The following CSMD3 variants were observed in gnomAD, a reference collection of about 807,000 sequenced individuals.
The protein encoded by CSMD3 is CUB and Sushi multiple domains 3, also known as CUB and sushi domain-containing protein 3.
A neutral mutation model predicts 435.2 loss-of-function variants in CSMD3; 177 were observed. That is an observed-to-expected ratio of 0.41 (90% CI 0.36 to 0.46). CSMD3 has a LOEUF of 0.46. Among genes scored for constraint, CSMD3 ranks in the 20% least tolerant of loss-of-function variants. CSMD3 has a pLI of 0.34. For synonymous variants in CSMD3, 1,656 were observed against 1,520.5 expected, an observed-to-expected ratio of 1.09 and a Z score of -2.07; for missense variants, 4,265 against 4,504.6, an observed-to-expected ratio of 0.95 and a Z score of 1.52.
chr8:113,271,788 T>C (rs1422271923), intron 3 of CSMD3, among the ~76,000 whole-genome samples: 1 of 152,100 alleles, frequency 6.6e-6, no homozygotes, highest in Non-Finnish European at 1.5e-5. Flanking sequence ...TAGATCCACC[T>C]ATAACTTGTA....
intron 1 of CSMD3, among the ~76,000 whole-genome samples, chr8:113,383,115 CAG>C (rs2094424200): frequency 6.6e-6 from 1 of 152,010 alleles, no homozygotes. Flanking sequence ...ATGGACACTG[CAG>C]AGAGGGAATA....
Position 112,390,670 on chromosome 8 carries a change from G to C in CSMD3, c.5928C>G (p.Gly1976=), listed in dbSNP as rs138314995. The C allele has an allele frequency of 3.7e-6, 6 of 1,612,786 alleles. No individual in the cohort carries two copies. The highest frequency in any genetic ancestry group is 5.1e-6 in the Non-Finnish European group (6 of 1,178,814). The stretch of plus-strand genomic sequence containing the variant: ...AAAACTTAAATATTCTTACTTGAAT[G>C]CCAGCTCCCTCTGGCACTGTGATCT... ...VWKITVPEGA[G]IQVQVVSFAT... is the part of the protein sequence containing the mutation. Residue 1976 remains glycine (G), a synonymous_variant, in exon 36 of 71, where the codon GGC becomes GGG. Coordinates refer to ENST00000297405, the MANE Select transcript of CSMD3 (RefSeq NM_198123.2).
chr8:113,097,833 T>C (rs1224314890), intron 5 of CSMD3, among the ~76,000 whole-genome samples: 3 of 152,048 alleles, frequency 2.0e-5, no homozygotes, highest in Admixed American at 1.3e-4. Flanking sequence ...AACTAGGTTT[T>C]ATTTCAATAC....
intron 53 of CSMD3, among the ~76,000 whole-genome samples, chr8:112,299,103 G>A (rs1048868500): frequency 2.0e-5 from 3 of 152,084 alleles, no homozygotes; most frequent in African/African-American, 7.2e-5. Context: ...ACAAAAGAGT[G>A]CACAATTTTC....
At chr8:112,578,095 G>C (rs1830078372) in intron 23 of CSMD3, among the ~76,000 whole-genome samples, 1 of 151,864 alleles carries the variant, frequency 6.6e-6, no homozygotes, top group African/African-American at 2.4e-5. Context: ...TAGATGTCAA[G>C]TTTGCATATA....
At chr8:112,424,817 G>A (rs771968960) in intron 32 of CSMD3, among the ~76,000 whole-genome samples, 5 of 152,108 alleles carry the variant, frequency 3.3e-5, no homozygotes, top group African/African-American at 7.2e-5. Flanking sequence ...TCAACCTCCC[G>A]AGTAGCTGGG....
chr8:113,106,959 C>T (rs2090496828), intron 4 of CSMD3, among the ~76,000 whole-genome samples: 1 of 152,052 alleles, frequency 6.6e-6, no homozygotes. Context: ...TAACCATCAC[C>T]ACAATGAATT....
chr8:112,983,690 C>G (rs1202691545), intron 6 of CSMD3, among the ~76,000 whole-genome samples: 2 of 151,276 alleles, frequency 1.3e-5, no homozygotes, highest in Non-Finnish European at 2.9e-5. Flanking sequence ...GCCATAAGAC[C>G]ATTTAGTGAT....
intron 5 of CSMD3, among the ~76,000 whole-genome samples, chr8:113,026,503 T>G (rs2086881434): frequency 6.6e-6 from 1 of 152,222 alleles, no homozygotes; most frequent in Admixed American, 6.5e-5. Flanking sequence ...TGATTAGCCA[T>G]TTATTACTTT....
intron 38 of CSMD3, among the ~76,000 whole-genome samples, chr8:112,371,815 G>C (rs935115588): frequency 9.9e-5 from 15 of 152,070 alleles, no homozygotes; most frequent in African/African-American, 3.6e-4. Flanking sequence ...TTGAACCCGG[G>C]AGGTGGTGGT....
intron 32 of CSMD3, among the ~76,000 whole-genome samples, chr8:112,459,423 G>A (rs1020554354): frequency 4.6e-5 from 7 of 151,732 alleles, no homozygotes; most frequent in South Asian, 2.1e-4. Flanking sequence ...TCAGTATGAC[G>A]TGGGTACAGA....
intron 13 of CSMD3, among the ~76,000 whole-genome samples, chr8:112,722,379 A>T (rs565110847): frequency 1.3e-5 from 2 of 152,302 alleles, no homozygotes; most frequent in South Asian, 4.1e-4. Context: ...TGGTGATTGA[A>T]TGTTAATTTT....
In CSMD3 at chr8:112,552,232, C is replaced by T. The variant is rs1165733744; in HGVS notation, c.4361+362G>A. Among the ~76,000 whole-genome samples, 4 of 149,638 alleles carry T rather than the reference C, an allele frequency of 2.7e-5. No homozygotes were observed. In the Admixed American group the frequency reaches 2.7e-4, roughly 10 times the overall value. On this transcript the variant is annotated intron_variant, in intron 26 of 70. Transcript: ENST00000297405. The stretch of plus-strand genomic sequence containing the variant: ...AAAATGGGCCAGGTGTAGTGGCTCA[C>T]ACCTGTAATCCCAGCACTTTGGGAG...
At chr8:112,639,283 T>TA (rs1430012568) in intron 20 of CSMD3, among the ~76,000 whole-genome samples, 2 of 152,234 alleles carry the variant, frequency 1.3e-5, no homozygotes, top group East Asian at 3.9e-4. Context: ...TCCAATCCCT[T>TA]CGACCAACAT....
chr8:112,643,034 A>T (rs1041911230), intron 20 of CSMD3, among the ~76,000 whole-genome samples: 1 of 152,170 alleles, frequency 6.6e-6, no homozygotes, highest in African/African-American at 2.4e-5. Context: ...AATTAAAGAA[A>T]CTAGGAGTGT....
At chr8:113,377,449 G>A (rs987413266) in intron 1 of CSMD3, among the ~76,000 whole-genome samples, 1 of 152,154 alleles carries the variant, frequency 6.6e-6, no homozygotes, top group African/African-American at 2.4e-5. Context: ...TAAGTCAAAA[G>A]TGAAATCTAG....
chr8:112,566,976 A>G (rs529697884), intron 24 of CSMD3, among the ~76,000 whole-genome samples: 30 of 152,160 alleles, frequency 2.0e-4, no homozygotes, highest in African/African-American at 6.7e-4. Context: ...CTCTCTCACA[A>G]GAAAGAGAGC....
At chr8:112,899,167 T>G (rs747609223) in intron 10 of CSMD3, among the ~76,000 whole-genome samples, 3 of 151,170 alleles carry the variant, frequency 2.0e-5, no homozygotes, top group Non-Finnish European at 3.0e-5. Flanking sequence ...TTAAGTCTAT[T>G]CCTACTTCAG....
intron 32 of CSMD3, among the ~76,000 whole-genome samples, chr8:112,442,844 G>A (rs1478870684): frequency 6.6e-6 from 1 of 152,162 alleles, no homozygotes; most frequent in Admixed American, 6.5e-5. Context: ...TGATACAAGT[G>A]AGTCAGATTC....
Sources: allele counts gnomAD v4.1 joint callset (sites outside exome capture counted in the v4.1 genomes callset), GRCh38; gene constraint gnomAD v4.1.1; transcripts MANE v1.5; gene names NCBI Gene and HGNC (gene_info 2026-07-23, HGNC 2026-07-21).